The following CRACR2A variants were observed in gnomAD, a reference collection of about 807,000 sequenced individuals.
CRACR2A encodes calcium release activated channel regulator 2A.
In CRACR2A, 79 loss-of-function variants were observed where a neutral mutation model predicts 90.5. The observed-to-expected ratio is 0.87, with a 90% CI of 0.73 to 1.05. The LOEUF (loss-of-function observed/expected upper bound fraction) is 1.05. Among genes scored for constraint, CRACR2A ranks in the 50% least tolerant of loss-of-function variants. CRACR2A has a pLI of 0.00. For synonymous variants in CRACR2A, 338 were observed against 356.7 expected (o/e 0.95, Z 0.59); for missense variants, 823 against 897.2 (o/e 0.92, Z 1.06).
At chr12:3,745,949 CTCCCTCCCGCT>C (rs1242457290) in intron 1 of CRACR2A, among the ~76,000 whole-genome samples, 1 of 152,038 alleles carries the variant, frequency 6.6e-6, no homozygotes, top group East Asian at 1.9e-4. Context: ...TGTCTCTCAT[CTCCCTCCCGCT>C]GACCTCCCTG....
At chr12:3,627,400 C>G (rs943128865) in intron 17 of CRACR2A, 36 bp downstream of exon 17, 7 of 1,475,870 alleles carry the variant, frequency 4.7e-6, no homozygotes, top group Non-Finnish European at 6.5e-6. Context: ...AAGCCACAGT[C>G]AAGCCTAAAT....
At chr12:3,648,260 A>T (rs1944726345) in intron 11 of CRACR2A, 3 of 1,329,916 alleles carry the variant, frequency 2.3e-6, no homozygotes, top group Non-Finnish European at 2.9e-6. Context: ...CTCGCATGAG[A>T]TCAAGTACCA....
chr12:3,664,871 G>A (rs920672311), intron 7 of CRACR2A, among the ~76,000 whole-genome samples: 3 of 152,198 alleles, frequency 2.0e-5, no homozygotes, highest in Non-Finnish European at 4.4e-5. Context: ...GCCAGGTGTG[G>A]TGGTACACGT....
intron 1 of CRACR2A, among the ~76,000 whole-genome samples, chr12:3,736,756 G>A (rs1370991839): frequency 6.6e-6 from 1 of 152,166 alleles, no homozygotes. Context: ...ACCCAAAGAT[G>A]AGAAAAGATG....
At chr12:3,643,856 T>TATAAATAAATA (rs1478137267) in intron 12 of CRACR2A, among the ~76,000 whole-genome samples, 1 of 67,354 alleles carries the variant, frequency 1.5e-5, no homozygotes, top group Admixed American at 2.9e-4. Context: ...TATTATATAT[T>TATAAATAAATA]TATATTATAT....
At chr12:3,620,925 T>C (rs1022441434) in intron 17 of CRACR2A, among the ~76,000 whole-genome samples, 2 of 152,220 alleles carry the variant, frequency 1.3e-5, no homozygotes, top group East Asian at 3.8e-4. Context: ...ATGGCATATA[T>C]GGAACCCTGT....
At chr12:3,705,177 A>C (rs1334563872) in intron 3 of CRACR2A, among the ~76,000 whole-genome samples, 2 of 152,242 alleles carry the variant, frequency 1.3e-5, no homozygotes, top group Admixed American at 6.5e-5. Context: ...CACAAGGAGA[A>C]AAGAGAAAAT....
At chr12:3,751,874 G>A (rs1324426121) in intron 1 of CRACR2A, among the ~76,000 whole-genome samples, 1 of 152,140 alleles carries the variant, frequency 6.6e-6, no homozygotes, top group African/African-American at 2.4e-5. Context: ...AACTGCGCAT[G>A]AAGTAGCTCT....
intron 3 of CRACR2A, among the ~76,000 whole-genome samples, chr12:3,704,838 A>C (rs909745247): frequency 6.6e-6 from 1 of 152,244 alleles, no homozygotes; most frequent in Non-Finnish European, 1.5e-5. Context: ...CCCCTTGTGA[A>C]GACCACTGAT....
intron 15 of CRACR2A, among the ~76,000 whole-genome samples, chr12:3,629,849 G>A (rs1222199958): frequency 3.1e-4 from 4 of 12,948 alleles, no homozygotes; most frequent in African/African-American, 5.4e-4. Flanking sequence ...GAAAAGACAA[G>A]GGGGGGGGGG....
In CRACR2A at chr12:3,694,292, C is replaced by T. The variant is rs574179809; in HGVS notation, c.228+2480G>A. Among the ~76,000 whole-genome samples the T allele has an allele frequency of 1.7e-3, 254 of 152,354 alleles. 1 individual carries two copies. Among genetic ancestry groups the T allele is most frequent in the African/African-American group, 5.7e-3 (237 of 41,584 alleles). ...TGCAAGCTGTCTGTGACTTTCTTCC[C>T]ACTTGGCTTCTCCACTAGCTCCTCA... On this transcript the variant is annotated intron_variant, in intron 4 of 19. Transcript: ENST00000440314.
chr12:3,673,604 G>A lies in CRACR2A; in HGVS notation c.525-12C>T. The stretch of plus-strand genomic sequence containing the variant: ...TGACATCACTTTCACTGCAAGAGAA[G>A]GGACGCTCATGTGGAAGTGTGGAGA... On this transcript the variant is annotated splice_polypyrimidine_tract_variant and intron_variant, in intron 6 of 19. Coordinates refer to ENST00000440314, the MANE Select transcript of CRACR2A (RefSeq NM_001144958.2). The A allele has an allele frequency of 6.2e-7, 1 of 1,611,784 alleles. No homozygotes were observed. Among genetic ancestry groups the A allele is most frequent in the Non-Finnish European group, 8.5e-7 (1 of 1,179,580 alleles).
At chr12:3,729,135 G>A (rs2137846111) in intron 2 of CRACR2A, 1 of 152,318 alleles carries the variant, frequency 6.6e-6, no homozygotes, top group East Asian at 1.9e-4. Context: ...CGCAGTGCCT[G>A]GCATTCAGAA....
At chr12:3,722,529 C>G (rs367643445) in intron 2 of CRACR2A, among the ~76,000 whole-genome samples, 7 of 152,130 alleles carry the variant, frequency 4.6e-5, no homozygotes, top group East Asian at 1.9e-4. Context: ...AAGTGTGGAG[C>G]GAGGCTGGCA....
At chr12:3,701,513 G>T (rs570255902) in intron 3 of CRACR2A, among the ~76,000 whole-genome samples, 134 of 152,196 alleles carry the variant, frequency 8.8e-4, no homozygotes, top group African/African-American at 3.2e-3. Flanking sequence ...GACATTAAAA[G>T]GCTAATAAGA....
At chr12:3,726,728 C>T (rs952366003) in intron 2 of CRACR2A, 3 of 151,714 alleles carry the variant, frequency 2.0e-5, no homozygotes, top group Non-Finnish European at 2.9e-5. Context: ...TAATTTATTA[C>T]GCTGTGATAT....
rs540574140 is a variant in CRACR2A, at chr12:3,637,996, CAT to C, written c.1602+126_1602+127del. On this transcript the variant is annotated intron_variant, in intron 14 of 19. Coordinates refer to ENST00000440314, the MANE Select transcript of CRACR2A (RefSeq NM_001144958.2). Reference sequence around the variant, plus strand: ...AGGGGAAAGTGGTATTTGGAGGACACATATGTGGTGAATCATAAGACCTGCAG... The same window carrying C: ...AGGGGAAAGTGGTATTTGGAGGACACATGTGGTGAATCATAAGACCTGCAG... The C allele has an allele frequency of 1.9e-3, 1,733 of 898,544 alleles. 18 individuals carry two copies. Among genetic ancestry groups the C allele is most frequent in the Non-Finnish European group, 8.9e-4 (535 of 604,358 alleles). The allele number at this position is 898,544 out of a possible 1,614,324, so 55.7% of individuals were successfully genotyped here. A position where few individuals can be genotyped will look rare whatever the true frequency, so the allele number is the denominator to read the frequency against.
chr12:3,667,805 T>C, intron 7 of CRACR2A, among the ~76,000 whole-genome samples: 1 of 152,314 alleles, frequency 6.6e-6, no homozygotes, highest in South Asian at 2.1e-4. Flanking sequence ...CTTATCTCTG[T>C]CTCTCTCCAT....
In CRACR2A at chr12:3,627,475, C is replaced by T. The variant is rs775683480; in HGVS notation, c.1893G>A (p.Gln631=). ...VIVMYDLTDK[Q]SFLSVRRWLS... ...GCCACCGCCGGACCGACAGGAACGA[C>T]TGCTTGTCTGTGAGATCGTACATGA... Residue 631 remains glutamine, a synonymous_variant, in exon 17 of 20, where the codon CAG becomes CAA. Coordinates refer to ENST00000440314, the MANE Select transcript of CRACR2A (RefSeq NM_001144958.2). The T allele has an allele frequency of 2.6e-4, 408 of 1,551,942 alleles. No individual in the cohort carries two copies. Among genetic ancestry groups the T allele is most frequent in the Non-Finnish European group, 3.3e-4 (375 of 1,147,098 alleles).
Sources: gnomAD v4.1 joint callset for allele counts (sites outside exome capture counted in the v4.1 genomes callset) on GRCh38, gnomAD v4.1.1 for gene constraint, MANE v1.5 for transcripts, NCBI Gene and HGNC (gene_info 2026-07-23, HGNC 2026-07-21) for gene names.